NLRP4: variants seen among roughly 807,000 people sequenced by gnomAD.
The protein encoded by NLRP4 is NACHT, LRR and PYD domains-containing protein 4.
Under a neutral mutation model 84.7 loss-of-function variants are expected in NLRP4, and 44 were observed. The observed-to-expected ratio is 0.52, with a 90% CI of 0.41 to 0.67. The LOEUF (loss-of-function observed/expected upper bound fraction) is 0.67. Ranked by LOEUF, NLRP4 falls within the 30% of genes least tolerant of loss-of-function variation. The pLI is 0.00. For missense variants in NLRP4, 1,260 were observed against 1,219.4 expected (o/e 1.03, Z -0.50); for synonymous variants, 544 against 476.4 (o/e 1.14, Z -1.85).
chr19:55,865,699 G>A (rs1207701982), intron 5 of NLRP4, among the ~76,000 whole-genome samples: 4 of 152,154 alleles, frequency 2.6e-5, no homozygotes, highest in Non-Finnish European at 5.9e-5. Flanking sequence ...GTTTTGATAT[G>A]CATTTTTCTA....
At chr19:55,855,659 G>C (rs1266155470) in intron 2 of NLRP4, among the ~76,000 whole-genome samples, 9 of 152,232 alleles carry the variant, frequency 5.9e-5, no homozygotes. Context: ...ATTATGCGGG[G>C]CATAGGGAAA....
At position 55,867,441 on chromosome 19, in the gene NLRP4, C is replaced by T. The variant is rs553905737; in HGVS notation, c.2187-268C>T. Among the ~76,000 whole-genome samples, 8 of 149,320 alleles carry T rather than the reference C, an allele frequency of 5.4e-5. 1 individual carries two copies. The highest frequency in any genetic ancestry group is 2.0e-4 in the Admixed American group (3 of 14,968). ...CCCCAGAGACCGTAAGCCAAGCATA[C>T]GTATAACTGAGATGGTGCATCTCAG... On this transcript the variant is annotated intron_variant, in intron 5 of 9. Transcript: ENST00000301295.
chr19:55,861,621 G>A lies in NLRP4; in HGVS notation c.2018+74G>A, dbSNP rs78517399. 12,739 of 1,367,176 alleles carry A rather than the reference G, an allele frequency of 9.3e-3. 261 individuals carry two copies. The highest frequency in any genetic ancestry group is 0.064 in the African/African-American group (4,514 of 70,220). The allele number at this position is 1,367,176 out of a possible 1,614,324, so 84.7% of individuals were successfully genotyped here. On this transcript the variant is annotated intron_variant, in intron 4 of 9. Transcript: ENST00000301295. ...TTCATCTCACCTCTAGCTTTCAGTC[G>A]AGGCTAACTGCACAAGCAAAGAATT...
At chr19:55,876,392 A>G (rs1985373178) in intron 7 of NLRP4, among the ~76,000 whole-genome samples, 1 of 152,182 alleles carries the variant, frequency 6.6e-6, no homozygotes, top group African/African-American at 2.4e-5. Context: ...TTTGTCGCCC[A>G]GGCTGGAGTG....
intron 1 of NLRP4, among the ~76,000 whole-genome samples, chr19:55,840,678 G>A (rs765573151): frequency 5.3e-5 from 8 of 152,252 alleles, no homozygotes; most frequent in African/African-American, 1.4e-4. Context: ...GATTATAGGC[G>A]TGAGCCACAG....
chr19:55,870,961 C>T lies in NLRP4; in HGVS notation c.2489C>T (p.Ala830Val), dbSNP rs762532051. The T allele has an allele frequency of 8.1e-6, 13 of 1,614,152 alleles. No individual in the cohort carries two copies. Among genetic ancestry groups the T allele is most frequent in the Non-Finnish European group, 9.3e-6 (11 of 1,179,980 alleles). Residue 830 changes from alanine (A) to valine (V), a missense_variant, in exon 7 of 10, where the codon GCC (alanine) becomes GTC (valine). Ala to Val is a moderately conservative substitution (Grantham distance 64, BLOSUM62 0). Transcript: ENST00000301295. Reference protein sequence around the residue: ...KDEGLKTLCEALKHPDCCLDS... With the variant: ...KDEGLKTLCEVLKHPDCCLDS... ...GAAGGACTGAAAACTCTCTGCGAGGCCTTGAAACATCCGGACTGCTGCCTG... is the reference window on the plus strand; with the variant it reads ...GAAGGACTGAAAACTCTCTGCGAGGTCTTGAAACATCCGGACTGCTGCCTG...
chr19:55,863,737 T>C (rs34053749), intron 5 of NLRP4, among the ~76,000 whole-genome samples: 21,790 of 152,202 alleles, frequency 0.14, 1,894 homozygotes, highest in East Asian at 0.33. Context: ...GCTCTGTTTC[T>C]TGACCTGGAT....
intron 1 of NLRP4, among the ~76,000 whole-genome samples, chr19:55,842,429 A>G (rs1321490587): frequency 6.6e-6 from 1 of 152,038 alleles, no homozygotes; most frequent in Non-Finnish European, 1.5e-5. Context: ...TTTTATGGTT[A>G]TATCAGAATT....
intron 6 of NLRP4, among the ~76,000 whole-genome samples, chr19:55,870,513 A>G (rs899874484): frequency 6.6e-6 from 1 of 152,180 alleles, no homozygotes; most frequent in African/African-American, 2.4e-5. Context: ...AAATGCAAAA[A>G]TTAGCGAGAT....
intron 2 of NLRP4, chr19:55,857,311 C>A (rs917993457): frequency 3.6e-6 from 1 of 274,206 alleles, no homozygotes; most frequent in East Asian, 6.2e-5. Context: ...TCAAACTTTA[C>A]GTAGTAGCAA....
At chr19:55,862,747 T>C (rs1281603476) in intron 5 of NLRP4, among the ~76,000 whole-genome samples, 2 of 151,976 alleles carry the variant, frequency 1.3e-5, no homozygotes, top group East Asian at 3.9e-4. Context: ...CTCTGTTTAT[T>C]GAGACCACTG....
intron 7 of NLRP4, among the ~76,000 whole-genome samples, chr19:55,871,609 C>G (rs994287355): frequency 1.1e-4 from 17 of 152,240 alleles, no homozygotes; most frequent in Admixed American, 4.6e-4. Flanking sequence ...AATACAGAGG[C>G]TTCTGAAATC....
intron 5 of NLRP4, among the ~76,000 whole-genome samples, chr19:55,863,215 A>G (rs577887656): frequency 3.3e-5 from 5 of 152,344 alleles, no homozygotes; most frequent in South Asian, 2.1e-4. Flanking sequence ...TCAAGAGTAC[A>G]TCCTATGGCT....
chr19:55,857,835 C>T lies in NLRP4; in HGVS notation c.442C>T (p.Pro148Ser). The change falls in exon 3 of 10, where the codon CCA becomes TCA. Residue 148 changes from proline to serine, a missense_variant. By Grantham distance (74) the Pro-to-Ser change is moderately conservative (BLOSUM62 -1). This residue lies in a region of NLRP4 where 712 missense variants were observed against 669.2 expected (regional missense o/e 1.06). Transcript: ENST00000301295. The part of the protein sequence containing the change: ...LFAPKEAGKQ[P>S]RTVIIQGPQG... Reference sequence around the variant, plus strand: ...TGCTCCCAAGGAAGCTGGGAAACAGCCACGTACAGTGATCATTCAAGGACC... The same window carrying T: ...TGCTCCCAAGGAAGCTGGGAAACAGTCACGTACAGTGATCATTCAAGGACC... The T allele has an allele frequency of 1.9e-6, 3 of 1,613,786 alleles. No individual in the cohort carries two copies. Among genetic ancestry groups the T allele is most frequent in the Non-Finnish European group, 2.5e-6 (3 of 1,179,702 alleles).
Position 55,858,314 on chromosome 19 carries a change from G to A in NLRP4, c.921G>A (p.Arg307=), listed in dbSNP as rs1984545655. The part of the protein sequence containing the change: ...YQPRGFNESD[R]LVYFCCFFKD... Reference sequence around the variant, plus strand: ...CCCGGGGATTCAACGAGAGTGATAGGTTAGTGTATTTCTGCTGTTTCTTCA... The same window carrying A: ...CCCGGGGATTCAACGAGAGTGATAGATTAGTGTATTTCTGCTGTTTCTTCA... The change falls in exon 3 of 10, where the codon AGG becomes AGA. Residue 307 remains arginine, a synonymous_variant. Transcript: ENST00000301295. This position sits in a 1 kb window ranked among gnomAD's most constrained non-coding sequence, Gnocchi z 4.2. 9.9e-6 allele frequency: 16 copies of A among 1,614,166 alleles called. No individual in the cohort carries two copies. The highest frequency in any genetic ancestry group is 1.4e-5 in the Non-Finnish European group (16 of 1,180,028).
At chr19:55,840,509 G>A (rs1028062492) in intron 1 of NLRP4, among the ~76,000 whole-genome samples, 18 of 151,934 alleles carry the variant, frequency 1.2e-4, no homozygotes, top group Non-Finnish European at 1.9e-4. Context: ...TCAGCCTCCC[G>A]AGTAGCTGGG....
intron 3 of NLRP4, among the ~76,000 whole-genome samples, chr19:55,860,131 G>A (rs1600231932): frequency 6.6e-6 from 1 of 151,676 alleles, no homozygotes; most frequent in Admixed American, 6.6e-5. Context: ...GACTAGAGGG[G>A]CCCGCCACCA....
At chr19:55,870,804 T>C in intron 6 of NLRP4, 23 bp from the exon 7 acceptor site, 1 of 1,597,752 alleles carries the variant, frequency 6.3e-7, no homozygotes, top group Non-Finnish European at 8.6e-7. Flanking sequence ...TTCACTCTCC[T>C]TCTCGTGTTT....
rs17857374 is a variant in NLRP4 at position 55,858,562 on chromosome 19, C to A, written c.1169C>A (p.Pro390Gln). ...CCTGAGGGTGCCGAGGGCCCGACTC[C>A]GCAAACCCAGCACCAGCTGAAGGCC... is the stretch of plus-strand genomic sequence containing the variant. The part of the protein sequence containing the change: ...FTPEGAEGPT[P>Q]QTQHQLKALC... The change falls in exon 3 of 10, where the codon CCG (proline) becomes CAG (glutamine). Residue 390 changes from proline to glutamine, a missense_variant. Physicochemically the swap from Pro to Gln is moderately conservative, Grantham distance 76. Around this residue, in one of 3 missense-constraint regions of NLRP4, gnomAD observed 712 missense variants for 669.2 expected, o/e 1.06. Transcript: ENST00000301295. This position sits in a 1 kb window ranked among gnomAD's most constrained non-coding sequence, Gnocchi z 4.2. The A allele has an allele frequency of 1.9e-6, 3 of 1,613,978 alleles. No individual in the cohort carries two copies. Among genetic ancestry groups the A allele is most frequent in the African/African-American group, 1.3e-5 (1 of 74,892 alleles).
Sources: gnomAD v4.1 joint callset for allele counts (sites outside exome capture counted in the v4.1 genomes callset) on GRCh38, gnomAD v4.1.1 for gene constraint, gnomAD v4.1.1 regional missense constraint, Gnocchi (gnomAD v3.1) non-coding constraint, MANE v1.5 for transcripts, NCBI Gene and HGNC (gene_info 2026-07-23, HGNC 2026-07-21) for gene names.